Variants in DHX9 observed in about 807,000 individuals in gnomAD.
DHX9 encodes the protein ATP-dependent RNA helicase A.
Under a neutral mutation model 148.7 loss-of-function variants are expected in DHX9, and 27 were observed. The observed-to-expected ratio is 0.18, with a 90% CI of 0.13 to 0.25. DHX9 has a LOEUF of 0.25. Ranked by LOEUF, DHX9 falls within the 10% of genes least tolerant of loss-of-function variation. The pLI is 1.00. For synonymous variants in DHX9, 529 were observed against 516.6 expected (o/e 1.02, Z -0.33); for missense variants, 796 against 1,559.6 (o/e 0.51, Z 8.25).
In DHX9 at chr1:182,886,991, A is replaced by G. The variant is rs558931387; in HGVS notation, c.3462-92A>G. ...CATTTGGCTTCATTCCCTTTATTAA[A>G]TTTTCAAATATAACTAAATGTGTAC... On this transcript the variant is annotated intron_variant, in intron 27 of 27. Coordinates refer to ENST00000367549, the MANE Select transcript of DHX9 (RefSeq NM_001357.5). 6.4e-5 allele frequency: 78 copies of G among 1,226,296 alleles called. 1 individual carries two copies. The African/African-American group carries it at 1.2e-3, about 18-fold the overall frequency. The allele number at this position is 1,226,296 out of a possible 1,614,324, so 76.0% of individuals were successfully genotyped here.
intron 15 of DHX9, among the ~76,000 whole-genome samples, chr1:182,872,775 A>G (rs1571316309): frequency 6.6e-6 from 1 of 152,192 alleles, no homozygotes. Context: ...TAAAAATTAT[A>G]AAGTATAGTC....
chr1:182,864,490 G>T (rs752152445), intron 12 of DHX9, among the ~76,000 whole-genome samples: 4 of 152,176 alleles, frequency 2.6e-5, no homozygotes, highest in Non-Finnish European at 5.9e-5. Flanking sequence ...GGGTCAGAGG[G>T]TATGCATATT....
intron 19 of DHX9, chr1:182,877,806 A>G: frequency 1.8e-6 from 1 of 543,300 alleles, no homozygotes; most frequent in Admixed American, 3.5e-5. Flanking sequence ...AGTTCAGCTG[A>G]TAAGTGGCAA....
chr1:182,861,736 T>C (rs545932987), intron 12 of DHX9, among the ~76,000 whole-genome samples: 1 of 152,370 alleles, frequency 6.6e-6, no homozygotes, highest in Admixed American at 6.5e-5. Context: ...CAAACCTGTG[T>C]CTTCTGATTT....
rs1648618675 is a variant in DHX9, at chr1:182,873,182, A to C, written c.1714+689A>C. On this transcript the variant is annotated intron_variant, in intron 15 of 27. Transcript: ENST00000367549. Reference sequence around the variant, plus strand: ...TGTTGCCCAAGCTGCTCTCAAACTCATGGACTCAAGCAGTCAGCCTGCCTC... The same window carrying C: ...TGTTGCCCAAGCTGCTCTCAAACTCCTGGACTCAAGCAGTCAGCCTGCCTC... Among the ~76,000 whole-genome samples the C allele has an allele frequency of 3.3e-5, 5 of 152,072 alleles. No individual in the cohort carries two copies. In the South Asian group the frequency reaches 1.0e-3, roughly 32 times the overall value.
At position 182,875,965 on chromosome 1, in the gene DHX9, A is replaced by G; in HGVS notation, c.1816-85A>G. On this transcript the variant is annotated intron_variant, in intron 16 of 27. Coordinates refer to ENST00000367549, the MANE Select transcript of DHX9 (RefSeq NM_001357.5). ...TAGAATAAATAATGACATTACAAGTAATTAGAGTCACTAGAAGAAATCTAG... is the reference window on the plus strand; with the variant it reads ...TAGAATAAATAATGACATTACAAGTGATTAGAGTCACTAGAAGAAATCTAG... 3 of 984,430 alleles carry G rather than the reference A, an allele frequency of 3.0e-6. No homozygotes were observed. In the Admixed American group the frequency reaches 6.4e-5, roughly 21 times the overall value. The allele number at this position is 984,430 out of a possible 1,614,324, so 61.0% of individuals were successfully genotyped here.
rs1221919657 is a variant in DHX9, at chr1:182,887,312, G to A, written c.3691G>A (p.Gly1231Arg). The change falls in exon 28 of 28, where the codon GGA becomes AGA. Residue 1231 changes from glycine (G) to arginine (R), a missense_variant. Transcript: ENST00000367549. ...VSRGGFRGNS[G>R]GDYRGPSGGY... ...CCGAGGTGGCTTTAGAGGCAACTCTGGAGGAGACTACAGAGGGCCTAGTGG... is the reference window on the plus strand; with the variant it reads ...CCGAGGTGGCTTTAGAGGCAACTCTAGAGGAGACTACAGAGGGCCTAGTGG... 1 of 1,614,184 alleles carries A rather than the reference G, an allele frequency of 6.2e-7. No individual in the cohort carries two copies. The highest frequency in any genetic ancestry group is 8.5e-7 in the Non-Finnish European group (1 of 1,180,034).
intron 5 of DHX9, 75 bp from the exon 6 acceptor site, chr1:182,853,955 G>A: frequency 7.4e-7 from 1 of 1,342,526 alleles, no homozygotes; most frequent in Non-Finnish European, 1.0e-6. Flanking sequence ...TACAAAGACA[G>A]TATTAAAAAT....
rs72727052 is a variant in DHX9 at position 182,885,483 on chromosome 1, C to T, written c.3461+670C>T. Among the ~76,000 whole-genome samples the T allele has an allele frequency of 5.6e-3, 855 of 152,314 alleles. 4 individuals carry two copies. Among genetic ancestry groups the T allele is most frequent in the Non-Finnish European group, 0.01 (691 of 68,020 alleles). On this transcript the variant is annotated intron_variant, in intron 27 of 27. Transcript: ENST00000367549. ...TACCACATTTTACATCAATACACTT[C>T]ATGTCTTTTAAGAACATGGCCACAA... is the stretch of plus-strand genomic sequence containing the variant.
chr1:182,873,363 T>C (rs1648627349), intron 15 of DHX9, among the ~76,000 whole-genome samples: 1 of 152,042 alleles, frequency 6.6e-6, no homozygotes, highest in Non-Finnish European at 1.5e-5. Context: ...GGCATGAAAA[T>C]AAGAGAGAAA....
intron 3 of DHX9, 77 bp downstream of exon 3, chr1:182,843,511 T>C: frequency 7.6e-7 from 1 of 1,307,974 alleles, no homozygotes; most frequent in Non-Finnish European, 1.0e-6. Context: ...AGACTCAAGA[T>C]AGTAATTTTT....
chr1:182,863,465 T>C (rs1557971896), intron 12 of DHX9, among the ~76,000 whole-genome samples: 1 of 152,220 alleles, frequency 6.6e-6, no homozygotes, highest in Non-Finnish European at 1.5e-5. Context: ...GGTTCTTATT[T>C]ATATTTGAGT....
chr1:182,861,290 A>G (rs1668358991), intron 12 of DHX9, among the ~76,000 whole-genome samples: 1 of 152,140 alleles, frequency 6.6e-6, no homozygotes, highest in Admixed American at 6.5e-5. Flanking sequence ...TTTCTGGGAA[A>G]GGATTCCTAG....
chr1:182,876,638 A>G lies in DHX9; in HGVS notation c.2124+97A>G, dbSNP rs559177118. ...AGAGCTACCCAAAAAATTGTAACCC[A>G]TCTAAATTGAGGAAGAAAAAAGGAG... On this transcript the variant is annotated intron_variant, in intron 18 of 27. Transcript: ENST00000367549. 1.4e-4 allele frequency: 167 copies of G among 1,171,434 alleles called. 1 individual carries two copies. The South Asian group carries it at 1.8e-3, about 13-fold the overall frequency. The allele number at this position is 1,171,434 out of a possible 1,614,324, so 72.6% of individuals were successfully genotyped here.
intron 3 of DHX9, among the ~76,000 whole-genome samples, chr1:182,851,385 C>T (rs1668146691): frequency 6.6e-6 from 1 of 152,114 alleles, no homozygotes; most frequent in African/African-American, 2.4e-5. Context: ...TCTGGCAAAA[C>T]TCTGGAGTGG....
At chr1:182,862,267 A>G (rs1407160901) in intron 12 of DHX9, among the ~76,000 whole-genome samples, 1 of 152,178 alleles carries the variant, frequency 6.6e-6, no homozygotes, top group African/African-American at 2.4e-5. Flanking sequence ...GTTTAGAGTT[A>G]TGGACTGGCG....
At chr1:182,875,221 T>C (rs1369121835) in intron 16 of DHX9, 11 of 489,864 alleles carry the variant, frequency 2.2e-5, no homozygotes, top group Non-Finnish European at 4.4e-5. Context: ...AGGCCAGGCA[T>C]GGTTAGGGAC....
At chr1:182,841,964 A>C (rs1041634055) in intron 1 of DHX9, among the ~76,000 whole-genome samples, 22 of 152,242 alleles carry the variant, frequency 1.4e-4, no homozygotes, top group African/African-American at 5.1e-4. Flanking sequence ...TTATTAATAC[A>C]TGGCCTACAA....
intron 3 of DHX9, among the ~76,000 whole-genome samples, chr1:182,849,276 C>T (rs1668088692): frequency 6.6e-6 from 1 of 152,080 alleles, no homozygotes. Context: ...TCCATGTTTC[C>T]GTCATCTGGC....
Sources: allele counts gnomAD v4.1 joint callset (sites outside exome capture counted in the v4.1 genomes callset), GRCh38; gene constraint gnomAD v4.1.1; transcripts MANE v1.5; gene names NCBI Gene and HGNC (gene_info 2026-07-23, HGNC 2026-07-21).